Variants in TMPRSS12 observed in about 807,000 individuals in gnomAD.
TMPRSS12 encodes the protein transmembrane serine protease 12, also known as transmembrane protease serine 12.
A neutral mutation model predicts 26.0 loss-of-function variants in TMPRSS12; 25 were observed. That is an observed-to-expected ratio of 0.96 (90% CI 0.70 to 1.34). The LOEUF is 1.34. Ranked by LOEUF, TMPRSS12 falls within the 40% of genes most tolerant of loss-of-function variation. The probability of loss-of-function intolerance (pLI) is 0.00; values close to 1 mark genes in which losing one functional copy is unlikely to be tolerated. For missense variants in TMPRSS12, 441 were observed against 440.1 expected (o/e 1.00, Z -0.02); for synonymous variants, 150 against 161.7 (o/e 0.93, Z 0.55).
intron 2 of TMPRSS12, 123 bp downstream of exon 2, chr12:50,844,160 A>G (rs893620024): frequency 3.7e-5 from 24 of 642,936 alleles, no homozygotes; most frequent in Non-Finnish European, 5.1e-5. Flanking sequence ...TGCCTTATAT[A>G]TAGTACAGTG....
intron 3 of TMPRSS12, among the ~76,000 whole-genome samples, chr12:50,872,519 CAAAAAA>C (rs778372099): frequency 1.2e-3 from 48 of 39,812 alleles, no homozygotes; most frequent in Non-Finnish European, 1.9e-3. Flanking sequence ...GACTCCGTCT[CAAAAAA>C]AAAAAAAAAA....
At chr12:50,872,840 GTC>G (rs370187095) in intron 3 of TMPRSS12, among the ~76,000 whole-genome samples, 1,666 of 28,330 alleles carry the variant, frequency 0.059, 549 homozygotes, top group South Asian at 0.11. Flanking sequence ...TATATATGAC[GTC>G]TATATATGTA....
chr12:50,872,898 CAT>C (rs1309237752), intron 3 of TMPRSS12, among the ~76,000 whole-genome samples: 3 of 104,824 alleles, frequency 2.9e-5, no homozygotes, highest in Non-Finnish European at 1.9e-5. Flanking sequence ...TATATATGTA[CAT>C]ATATATGACT....
intron 2 of TMPRSS12, among the ~76,000 whole-genome samples, chr12:50,845,768 ATATTCCTAGCTTATGAC>A (rs1432416764): frequency 2.0e-5 from 3 of 152,168 alleles, no homozygotes; most frequent in Admixed American, 2.0e-4. Flanking sequence ...ATCAGTCTCT[ATATTCCTAGCTTATGAC>A]TTATCATACT....
chr12:50,845,932 C>T (rs1161290027), intron 2 of TMPRSS12, among the ~76,000 whole-genome samples: 2 of 152,082 alleles, frequency 1.3e-5, no homozygotes, highest in African/African-American at 2.4e-5. Context: ...ATTTGTATAT[C>T]TTCTTTGGAG....
chr12:50,878,091 C>T (rs1269698107), intron 3 of TMPRSS12, among the ~76,000 whole-genome samples: 1 of 151,616 alleles, frequency 6.6e-6, no homozygotes, highest in Non-Finnish European at 1.5e-5. Context: ...CAATTATTCA[C>T]AGATTGGCCT....
At chr12:50,885,218 A>G in intron 3 of TMPRSS12, 28 bp from the exon 4 acceptor site, 6 of 1,553,228 alleles carry the variant, frequency 3.9e-6, no homozygotes, top group Non-Finnish European at 4.3e-6. Context: ...CTGCTCCAAG[A>G]TAACTTACTG....
chr12:50,876,527 G>A lies in TMPRSS12; in HGVS notation c.653-8719G>A, dbSNP rs568892832. Among the ~76,000 whole-genome samples, 16 of 152,250 alleles carry A rather than the reference G, an allele frequency of 1.1e-4. No homozygotes were observed. In the East Asian group the frequency reaches 2.5e-3, roughly 24 times the overall value. ...CCATCAACAATAGACTGGATAGGCC[G>A]GGTGCGGTGGCTCACGCCTGTAATC... is the stretch of plus-strand genomic sequence containing the variant. On this transcript the variant is annotated intron_variant, in intron 3 of 4. Coordinates refer to ENST00000398458, the MANE Select transcript of TMPRSS12 (RefSeq NM_182559.3).
At chr12:50,858,748 A>G in intron 2 of TMPRSS12, 37 bp from the exon 3 acceptor site, 1 of 1,422,818 alleles carries the variant, frequency 7.0e-7, no homozygotes, top group Non-Finnish European at 9.2e-7. Flanking sequence ...TTAGTTAATT[A>G]AAGATATTTA....
intron 3 of TMPRSS12, among the ~76,000 whole-genome samples, chr12:50,865,416 A>G (rs1446880270): frequency 6.6e-6 from 1 of 152,212 alleles, no homozygotes; most frequent in Non-Finnish European, 1.5e-5. Flanking sequence ...CAGAAGATAT[A>G]TCTGAAGGAA....
intron 2 of TMPRSS12, among the ~76,000 whole-genome samples, chr12:50,849,530 A>G (rs1342558396): frequency 1.5e-5 from 2 of 129,814 alleles, no homozygotes; most frequent in Non-Finnish European, 3.4e-5. Flanking sequence ...GACCCTTTGT[A>G]GCCAACCCCT....
At chr12:50,849,640 G>C (rs1180885824) in intron 2 of TMPRSS12, among the ~76,000 whole-genome samples, 2 of 151,644 alleles carry the variant, frequency 1.3e-5, no homozygotes, top group Non-Finnish European at 2.9e-5. Context: ...GCAATGTATA[G>C]CCATTTGAGC....
At chr12:50,877,964 T>C (rs571928037) in intron 3 of TMPRSS12, among the ~76,000 whole-genome samples, 1 of 152,296 alleles carries the variant, frequency 6.6e-6, no homozygotes, top group Admixed American at 6.5e-5. Flanking sequence ...AAAAGATGTG[T>C]AAGACTTGTA....
At chr12:50,869,397 TAGA>T (rs965181726) in intron 3 of TMPRSS12, among the ~76,000 whole-genome samples, 17 of 152,084 alleles carry the variant, frequency 1.1e-4, no homozygotes, top group South Asian at 4.1e-4. Context: ...CTAGAAAATC[TAGA>T]AGGAGTGGAT....
intron 2 of TMPRSS12, among the ~76,000 whole-genome samples, chr12:50,856,465 T>G (rs1005370996): frequency 2.6e-5 from 4 of 152,204 alleles, no homozygotes; most frequent in Non-Finnish European, 4.4e-5. Context: ...TACATATGAA[T>G]GTACCACTGT....
intron 3 of TMPRSS12, among the ~76,000 whole-genome samples, chr12:50,873,638 G>A (rs1248366550): frequency 6.6e-6 from 1 of 152,156 alleles, no homozygotes; most frequent in Admixed American, 6.5e-5. Context: ...TCTCACTTGG[G>A]CATAATTTTG....
At chr12:50,856,258 C>G (rs1937876403) in intron 2 of TMPRSS12, among the ~76,000 whole-genome samples, 1 of 152,144 alleles carries the variant, frequency 6.6e-6, no homozygotes, top group Non-Finnish European at 1.5e-5. Context: ...TGCTATCTTG[C>G]TCCTTCTCAT....
intron 3 of TMPRSS12, among the ~76,000 whole-genome samples, chr12:50,860,062 T>G (rs1937920403): frequency 1.3e-5 from 2 of 152,224 alleles, no homozygotes; most frequent in African/African-American, 4.8e-5. Context: ...TTTCTCTGAT[T>G]GTACATGCCA....
chr12:50,874,879 A>G (rs2071597896), intron 3 of TMPRSS12, among the ~76,000 whole-genome samples: 1 of 152,180 alleles, frequency 6.6e-6, no homozygotes, highest in Non-Finnish European at 1.5e-5. Context: ...ACATCTCACC[A>G]AGGAGGCGAA....
Sources: gnomAD v4.1 joint callset for allele counts (sites outside exome capture counted in the v4.1 genomes callset) on GRCh38, gnomAD v4.1.1 for gene constraint, MANE v1.5 for transcripts, NCBI Gene and HGNC (gene_info 2026-07-23, HGNC 2026-07-21) for gene names.